Variants in METTL8 observed in about 807,000 individuals in gnomAD.
The protein encoded by METTL8 is methyltransferase 8, tRNA N3-cytidine, also known as tRNA N(3)-cytidine methyltransferase METTL8, mitochondrial.
METTL8 carries 32 observed loss-of-function variants against 48.7 expected under a neutral mutation model. That is an observed-to-expected ratio of 0.66 (90% confidence interval 0.50 to 0.88). The LOEUF is 0.88. Ranked by LOEUF, METTL8 falls within the 40% of genes least tolerant of loss-of-function variation. METTL8 has a pLI of 0.00. For synonymous variants in METTL8, 136 were observed against 157.1 expected, an observed-to-expected ratio of 0.87 and a Z score of 1.01; for missense variants, 464 against 474.4, an observed-to-expected ratio of 0.98 and a Z score of 0.20.
chr2:171,403,146 A>G (rs1257946319), intron 1 of METTL8, among the ~76,000 whole-genome samples: 1 of 152,184 alleles, frequency 6.6e-6, no homozygotes, highest in Non-Finnish European at 1.5e-5. Context: ...TGGGCAGCAC[A>G]TAGTGACTTC....
chr2:171,426,111 T>G (rs1692391504), intron 1 of METTL8, among the ~76,000 whole-genome samples: 1 of 152,110 alleles, frequency 6.6e-6, no homozygotes, highest in South Asian at 2.1e-4. Flanking sequence ...GAGCTGAGAT[T>G]GAGCCACTGC....
chr2:171,385,197 G>A (rs1687926490), intron 2 of METTL8, among the ~76,000 whole-genome samples: 1 of 151,892 alleles, frequency 6.6e-6, no homozygotes, highest in South Asian at 2.1e-4. Flanking sequence ...AGGACTGCTT[G>A]AGGCCAGGAG....
chr2:171,360,379 A>T (rs766835770), intron 3 of METTL8, 43 bp downstream of exon 3: 8 of 1,555,084 alleles, frequency 5.1e-6, no homozygotes, highest in Non-Finnish European at 6.2e-6. Flanking sequence ...AGGAAAAGTC[A>T]CTAAAGCTCT....
At chr2:171,360,893 T>C (rs11899024) in intron 2 of METTL8, among the ~76,000 whole-genome samples, 2,756 of 152,360 alleles carry the variant, frequency 0.018, 83 homozygotes, top group African/African-American at 0.062. Context: ...AGTTTTTAAA[T>C]GCTCCTCTTA....
chr2:171,340,421 G>T (rs1049751588), intron 3 of METTL8, among the ~76,000 whole-genome samples: 2 of 146,634 alleles, frequency 1.4e-5, no homozygotes, highest in Non-Finnish European at 3.0e-5. Flanking sequence ...AGAAATGCTT[G>T]AACCCGGGAG....
chr2:171,347,143 C>G (rs1315445018), intron 3 of METTL8, among the ~76,000 whole-genome samples: 1 of 152,226 alleles, frequency 6.6e-6, no homozygotes, highest in South Asian at 2.1e-4. Flanking sequence ...AAGCCTTTAT[C>G]TCTTTGAGTC....
chr2:171,365,302 G>A (rs940128345), intron 2 of METTL8, among the ~76,000 whole-genome samples: 12 of 152,192 alleles, frequency 7.9e-5, no homozygotes, highest in Non-Finnish European at 1.5e-5. Context: ...ATCTTAAGTA[G>A]TATAGAGACT....
chr2:171,371,842 T>TTATTAC (rs1419579043), intron 2 of METTL8, among the ~76,000 whole-genome samples: 1 of 72,394 alleles, frequency 1.4e-5, no homozygotes, highest in African/African-American at 5.8e-5. Flanking sequence ...ATTACTATTA[T>TTATTAC]TATTATTATT....
intron 5 of METTL8, chr2:171,332,928 T>C (rs901987152): frequency 6.6e-6 from 1 of 152,000 alleles, no homozygotes; most frequent in Non-Finnish European, 1.5e-5. Context: ...AACTGGTATA[T>C]GGCAGGATAA....
At chr2:171,409,295 T>C (rs1363349019) in intron 1 of METTL8, among the ~76,000 whole-genome samples, 4 of 152,146 alleles carry the variant, frequency 2.6e-5, no homozygotes, top group Non-Finnish European at 5.9e-5. Context: ...ATAAACTACA[T>C]AGTGCCTTAC....
chr2:171,334,340 T>C (rs1685863990), intron 5 of METTL8, among the ~76,000 whole-genome samples: 1 of 152,206 alleles, frequency 6.6e-6, no homozygotes, highest in Non-Finnish European at 1.5e-5. Context: ...AGGTGATGTC[T>C]TGTGACCACC....
intron 7 of METTL8, among the ~76,000 whole-genome samples, chr2:171,328,539 TACTC>T (rs571358148): frequency 1.3e-4 from 20 of 152,272 alleles, no homozygotes; most frequent in African/African-American, 4.3e-4. Context: ...GACAGGGTCT[TACTC>T]ACTGTCACCC....
intron 2 of METTL8, among the ~76,000 whole-genome samples, chr2:171,383,674 C>T (rs1422739210): frequency 6.6e-6 from 1 of 152,148 alleles, no homozygotes; most frequent in Non-Finnish European, 1.5e-5. Flanking sequence ...TATGCTTAAA[C>T]CAAGAACATT....
intron 1 of METTL8, among the ~76,000 whole-genome samples, chr2:171,406,744 T>A (rs1433889267): frequency 2.6e-5 from 4 of 152,092 alleles, no homozygotes; most frequent in Non-Finnish European, 5.9e-5. Flanking sequence ...GAGCCATGAG[T>A]GGGCCTAACG....
chr2:171,397,866 CAA>C (rs1189611310), intron 1 of METTL8, among the ~76,000 whole-genome samples: 1 of 152,166 alleles, frequency 6.6e-6, no homozygotes, highest in South Asian at 2.1e-4. Context: ...CAAAATAACA[CAA>C]GAGAAAATCT....
intron 2 of METTL8, among the ~76,000 whole-genome samples, chr2:171,374,572 AT>A (rs1265542799): frequency 6.6e-6 from 1 of 152,092 alleles, no homozygotes; most frequent in Non-Finnish European, 1.5e-5. Context: ...CACTTGTGAA[AT>A]TTTCACCGTA....
At chr2:171,330,726 A>C (rs779188126) in intron 6 of METTL8, 28 bp from the exon 7 acceptor site, 2 of 1,577,054 alleles carry the variant, frequency 1.3e-6, no homozygotes, top group South Asian at 2.4e-5. Flanking sequence ...CAGAAAGCAA[A>C]AAGAGGACTT....
At chr2:171,326,176 C>A (rs1195311874) in intron 7 of METTL8, 28 bp from the exon 8 acceptor site, 8 of 1,234,848 alleles carry the variant, frequency 6.5e-6, no homozygotes, top group South Asian at 5.5e-5. Flanking sequence ...TAAAAAGATA[C>A]CCAGTTTGTA....
chr2:171,365,158 A>G (rs778474137), intron 2 of METTL8, among the ~76,000 whole-genome samples: 80 of 152,164 alleles, frequency 5.3e-4, no homozygotes, highest in Non-Finnish European at 9.6e-4. Flanking sequence ...TTATGCCCCA[A>G]GAGCATAACA....
Sources: gnomAD v4.1 joint callset for allele counts (sites outside exome capture counted in the v4.1 genomes callset) on GRCh38, gnomAD v4.1.1 for gene constraint, MANE v1.5 for transcripts, NCBI Gene and HGNC (gene_info 2026-07-23, HGNC 2026-07-21) for gene names.